Variants in EFCAB13 observed in about 807,000 individuals in gnomAD.
EFCAB13 encodes EF-hand calcium-binding domain-containing protein 13.
A neutral mutation model predicts 110.2 loss-of-function variants in EFCAB13; 91 were observed. That is an observed-to-expected ratio of 0.83 (90% CI 0.70 to 0.98). EFCAB13 has a LOEUF of 0.98. Ranked by LOEUF, EFCAB13 falls within the 50% of genes least tolerant of loss-of-function variation. The pLI, the probability that EFCAB13 is intolerant of heterozygous loss-of-function variation, is 0.00. For synonymous variants in EFCAB13, 323 were observed against 369.9 expected, an observed-to-expected ratio of 0.87 and a Z score of 1.45; for missense variants, 968 against 1,119.4, an observed-to-expected ratio of 0.86 and a Z score of 1.93.
At position 47,426,354 on chromosome 17, in the gene EFCAB13, G is replaced by A. The variant is rs576451394; in HGVS notation, c.2495-3464G>A. Among the ~76,000 whole-genome samples, 14 of 152,262 alleles carry A rather than the reference G, an allele frequency of 9.2e-5. No homozygotes were observed. The South Asian group carries it at 1.7e-3, about 18-fold the overall frequency. ...CAAGATCACACTTGTGGGAAATCTG[G>A]GGGAGCCATAACTTTTCATGAAATG... On this transcript the variant is annotated intron_variant, in intron 23 of 24. Coordinates refer to ENST00000331493, the MANE Select transcript of EFCAB13 (RefSeq NM_152347.5).
chr17:47,421,392 T>C (rs995322189), intron 23 of EFCAB13, among the ~76,000 whole-genome samples: 3 of 152,074 alleles, frequency 2.0e-5, no homozygotes, highest in Admixed American at 6.5e-5. Flanking sequence ...TTAAGGGCGG[T>C]GCAAGATGTG....
intron 24 of EFCAB13, among the ~76,000 whole-genome samples, chr17:47,439,707 C>T (rs74343071): frequency 1.3e-5 from 2 of 152,142 alleles, no homozygotes; most frequent in Non-Finnish European, 2.9e-5. Context: ...GTGTTTCTAA[C>T]CTTTTTTTCT....
intron 15 of EFCAB13, among the ~76,000 whole-genome samples, chr17:47,393,646 G>A (rs2065720639): frequency 6.6e-6 from 1 of 151,776 alleles, no homozygotes. Flanking sequence ...AACCTGGGAG[G>A]TGGAGGTTGC....
At chr17:47,378,002 T>A in intron 13 of EFCAB13, 99 bp downstream of exon 13, 5 of 1,075,504 alleles carry the variant, frequency 4.6e-6, no homozygotes, top group Non-Finnish European at 6.5e-6. Context: ...AAATTAGGAA[T>A]GGGACAGAAT....
At chr17:47,423,450 G>A (rs1904794594) in intron 23 of EFCAB13, 1 of 201,544 alleles carries the variant, frequency 5.0e-6, no homozygotes, top group South Asian at 1.9e-4. Context: ...GCCCGGGGCG[G>A]AGTTGGCCAC....
In EFCAB13 at chr17:47,414,900, A is replaced by C. The variant is rs1904384884; in HGVS notation, c.2475A>C (p.Pro825=). Reference sequence around the variant, plus strand: ...TCTTAATGAAAATGAAAGAAAGTCCACATTTCCAAAAGTCCAAGGGTAAGT... The same window carrying C: ...TCTTAATGAAAATGAAAGAAAGTCCCCATTTCCAAAAGTCCAAGGGTAAGT... ...KDFLMKMKES[P]HFQKSKATQI... Residue 825 remains proline (P), a synonymous_variant, in exon 23 of 25, where the codon CCA becomes CCC. Coordinates refer to ENST00000331493, the MANE Select transcript of EFCAB13 (RefSeq NM_152347.5). 9 of 1,605,062 alleles carry C rather than the reference A, an allele frequency of 5.6e-6. No homozygotes were observed. The highest frequency in any genetic ancestry group is 7.7e-6 in the Non-Finnish European group (9 of 1,173,236).
intron 5 of EFCAB13, among the ~76,000 whole-genome samples, chr17:47,340,601 A>C (rs2065378552): frequency 1.3e-5 from 2 of 151,514 alleles, no homozygotes; most frequent in Admixed American, 6.6e-5. Flanking sequence ...TTTTATTTTT[A>C]TTTTTATTTA....
At chr17:47,397,339 A>G (rs1397935099) in intron 17 of EFCAB13, among the ~76,000 whole-genome samples, 1 of 152,130 alleles carries the variant, frequency 6.6e-6, no homozygotes, top group East Asian at 1.9e-4. Flanking sequence ...GCTGGAGTGC[A>G]GTGGCATGAT....
At chr17:47,401,229 T>A (rs1004547848) in intron 17 of EFCAB13, among the ~76,000 whole-genome samples, 3 of 152,256 alleles carry the variant, frequency 2.0e-5, no homozygotes, top group Non-Finnish European at 4.4e-5. Flanking sequence ...ACTTAAGCCC[T>A]GTTCAGGCTT....
chr17:47,337,304 G>A lies in EFCAB13; in HGVS notation c.191+1948G>A, dbSNP rs144967226. Among the ~76,000 whole-genome samples the A allele has an allele frequency of 2.4e-3, 365 of 152,242 alleles. 2 individuals carry two copies. Among genetic ancestry groups the A allele is most frequent in the African/African-American group, 8.3e-3 (343 of 41,534 alleles). On this transcript the variant is annotated intron_variant, in intron 5 of 24. Transcript: ENST00000331493. ...ACAGTGCATGTTTTCCCTTGTAAGT[G>A]GGAGCTAAACAATTCATACACATGG...
intron 9 of EFCAB13, among the ~76,000 whole-genome samples, chr17:47,352,135 C>T (rs2143291385): frequency 6.6e-6 from 1 of 151,886 alleles, no homozygotes; most frequent in East Asian, 1.9e-4. Flanking sequence ...ATCTCCTGAC[C>T]TCATGATCCT....
intron 4 of EFCAB13, among the ~76,000 whole-genome samples, chr17:47,333,017 A>T (rs1190843396): frequency 6.6e-6 from 1 of 152,198 alleles, no homozygotes; most frequent in African/African-American, 2.4e-5. Flanking sequence ...CTGTACTAAC[A>T]TTCATACCAA....
chr17:47,363,036 AG>A (rs1369374276), intron 10 of EFCAB13, among the ~76,000 whole-genome samples: 1 of 152,010 alleles, frequency 6.6e-6, no homozygotes, highest in Non-Finnish European at 1.5e-5. Context: ...GCACACGGGG[AG>A]AAAACCCACT....
At chr17:47,350,714 T>C (rs571579417) in intron 9 of EFCAB13, among the ~76,000 whole-genome samples, 2 of 152,274 alleles carry the variant, frequency 1.3e-5, no homozygotes, top group South Asian at 2.1e-4. Context: ...CAGATACTTA[T>C]GGGTCTCCTA....
At chr17:47,404,319 T>G (rs1449904310) in intron 19 of EFCAB13, among the ~76,000 whole-genome samples, 2 of 152,186 alleles carry the variant, frequency 1.3e-5, no homozygotes, top group African/African-American at 4.8e-5. Flanking sequence ...TTGACCAAAT[T>G]ACTGGTCAGA....
Position 47,439,176 on chromosome 17 carries a change from T to TTG in EFCAB13, c.2639-1254_2639-1253insGT, listed in dbSNP as rs1167008834. On this transcript the variant is annotated intron_variant, in intron 24 of 24. Transcript: ENST00000331493. ...CTGAGTTTCCTCTTTGTTTTGTTTTTTTTTTTTTTTTTTTTTTTTAGACAG... is the reference window on the plus strand; with the variant it reads ...CTGAGTTTCCTCTTTGTTTTGTTTTTTGTTTTTTTTTTTTTTTTTTTAGACAG... Among the ~76,000 whole-genome samples the TTG allele has an allele frequency of 7.2e-5, 9 of 125,098 alleles. No individual in the cohort carries two copies. The East Asian group carries it at 1.1e-3, about 15-fold the overall frequency. 82.1% of individuals were successfully genotyped at this position (125,098 alleles called of 152,430 possible).
At chr17:47,427,223 A>G (rs1193230278) in intron 23 of EFCAB13, among the ~76,000 whole-genome samples, 2 of 152,134 alleles carry the variant, frequency 1.3e-5, no homozygotes, top group African/African-American at 4.8e-5. Context: ...ATTGAATTTT[A>G]TGCCTCCTAT....
chr17:47,342,579 A>G (rs981462129), intron 6 of EFCAB13, among the ~76,000 whole-genome samples: 3 of 152,234 alleles, frequency 2.0e-5, no homozygotes, highest in South Asian at 4.1e-4. Flanking sequence ...GTCACTCACT[A>G]TGATATACTT....
chr17:47,342,023 A>G lies in EFCAB13; in HGVS notation c.294A>G (p.Lys98=). The G allele has an allele frequency of 6.4e-7, 1 of 1,566,090 alleles. No individual in the cohort carries two copies. Among genetic ancestry groups the G allele is most frequent in the Non-Finnish European group, 8.7e-7 (1 of 1,153,912 alleles). ...RKSLQVQQHS[K]RTEIIPPFLK... ...GTTTACAAGTACAACAGCACAGTAA[A>G]AGAACTGAGGTAAATAAAGATTTGG... is the stretch of plus-strand genomic sequence containing the variant. Residue 98 remains lysine, a synonymous_variant, in exon 6 of 25, where the codon AAA becomes AAG. Transcript: ENST00000331493.
Sources: allele counts gnomAD v4.1 joint callset (sites outside exome capture counted in the v4.1 genomes callset), GRCh38; gene constraint gnomAD v4.1.1; transcripts MANE v1.5; gene names NCBI Gene and HGNC (gene_info 2026-07-23, HGNC 2026-07-21).